NAALADL2: variants seen among roughly 807,000 people sequenced by gnomAD.
NAALADL2 encodes N-acetylated alpha-linked acidic dipeptidase like 2, also known as inactive N-acetylated-alpha-linked acidic dipeptidase-like protein 2.
NAALADL2 carries 76 observed loss-of-function variants against 87.2 expected under a neutral mutation model. That is an observed-to-expected ratio of 0.87 (90% CI 0.72 to 1.05). The LOEUF (loss-of-function observed/expected upper bound fraction) is 1.05. Among genes scored for constraint, NAALADL2 ranks in the 50% least tolerant of loss-of-function variants. The probability of loss-of-function intolerance (pLI) is 0.00; values close to 1 mark genes in which losing one functional copy is unlikely to be tolerated. For missense variants in NAALADL2, 1,089 were observed against 945.8 expected (o/e 1.15, Z -1.99); for synonymous variants, 354 against 331.0 (o/e 1.07, Z -0.75).
At chr3:174,791,125 T>G (rs1451417870) in intron 3 of NAALADL2, among the ~76,000 whole-genome samples, 7 of 152,170 alleles carry the variant, frequency 4.6e-5, no homozygotes, top group Non-Finnish European at 8.8e-5. Context: ...TATTACCTAA[T>G]GTAGACTTAT....
intron 1 of NAALADL2, among the ~76,000 whole-genome samples, chr3:175,017,216 C>T (rs570481570): frequency 4.0e-4 from 60 of 151,594 alleles, no homozygotes; most frequent in African/African-American, 1.4e-3. Context: ...AACTTAATAC[C>T]GTATATCTTA....
chr3:175,284,816 G>T (rs1275003622), intron 4 of NAALADL2, among the ~76,000 whole-genome samples: 1 of 152,094 alleles, frequency 6.6e-6, no homozygotes, highest in Non-Finnish European at 1.5e-5. Flanking sequence ...TCCTACATGT[G>T]GTCTCTGGTC....
chr3:175,301,072 G>T (rs1298296696), intron 4 of NAALADL2, among the ~76,000 whole-genome samples: 1 of 152,010 alleles, frequency 6.6e-6, no homozygotes, highest in African/African-American at 2.4e-5. Context: ...TTGCTTTTTT[G>T]AAGGGTTTTT....
At chr3:174,834,738 AAAAT>A (rs1723134910) in intron 3 of NAALADL2, among the ~76,000 whole-genome samples, 2 of 152,030 alleles carry the variant, frequency 1.3e-5, no homozygotes, top group Admixed American at 6.5e-5. Context: ...AATTTAAGAA[AAAAT>A]ATATGACTCA....
In NAALADL2 at chr3:175,256,451, T is replaced by C; in HGVS notation, c.860T>C (p.Leu287Ser). 1 of 1,611,254 alleles carries C rather than the reference T, an allele frequency of 6.2e-7. No individual in the cohort carries two copies. Among genetic ancestry groups the C allele is most frequent in the Non-Finnish European group, 8.5e-7 (1 of 1,178,684 alleles). The part of the protein sequence containing the change: ...IDVSYGMADD[L>S]KRIRKIKNVT... ...GTGAGTTATGGAATGGCAGATGATT[T>C]AAAAAGGATTAGGAAAATAAAAAAC... Residue 287 changes from leucine to serine, a missense_variant, in exon 4 of 14, where the codon TTA (leucine) becomes TCA (serine). By Grantham distance (145) the Leu-to-Ser change is moderately radical (BLOSUM62 -2). Transcript: ENST00000454872.
chr3:175,629,146 A>T (rs532903187), intron 11 of NAALADL2, among the ~76,000 whole-genome samples: 1 of 148,518 alleles, frequency 6.7e-6, no homozygotes, highest in African/African-American at 2.5e-5. Flanking sequence ...ATATATGGAC[A>T]TATATATCAT....
At chr3:175,612,458 C>T (rs1724776903) in intron 10 of NAALADL2, among the ~76,000 whole-genome samples, 1 of 152,184 alleles carries the variant, frequency 6.6e-6, no homozygotes, top group African/African-American at 2.4e-5. Flanking sequence ...AAGGTACTCT[C>T]TTCCTATTCT....
intron 11 of NAALADL2, among the ~76,000 whole-genome samples, chr3:175,636,070 A>G (rs1728488127): frequency 6.6e-6 from 1 of 152,168 alleles, no homozygotes; most frequent in Non-Finnish European, 1.5e-5. Flanking sequence ...CAACTATAAT[A>G]AAAGATTCCC....
At position 174,794,200 on chromosome 3, in the gene NAALADL2, T is replaced by C. The variant is rs191770018; in HGVS notation, c.-9+56454T>C. Among the ~76,000 whole-genome samples the C allele has an allele frequency of 5.9e-5, 9 of 152,222 alleles. No homozygotes were observed. In the East Asian group the frequency reaches 1.7e-3, roughly 29 times the overall value. Reference sequence around the variant, plus strand: ...AATATATTTAGTGTTTAATAACAGGTTCGATTCAGAATGATAGTCTTCTGC... The same window carrying C: ...AATATATTTAGTGTTTAATAACAGGCTCGATTCAGAATGATAGTCTTCTGC... On this transcript the variant is annotated intron_variant, in intron 3 of 3. Coordinates refer to the NAALADL2 transcript ENST00000434257.
intron 5 of NAALADL2, among the ~76,000 whole-genome samples, chr3:175,412,449 G>A (rs572419416): frequency 3.3e-5 from 5 of 152,248 alleles, no homozygotes; most frequent in Non-Finnish European, 7.4e-5. Flanking sequence ...TATTCGGATA[G>A]CTATTTGCTA....
At chr3:175,206,287 T>TG (rs1484604859) in intron 2 of NAALADL2, among the ~76,000 whole-genome samples, 1 of 127,786 alleles carries the variant, frequency 7.8e-6, no homozygotes, top group Admixed American at 8.0e-5. Context: ...TGTGTGTGTG[T>TG]ATGTATGTGT....
chr3:175,789,985 C>A (rs1401551375), intron 13 of NAALADL2, among the ~76,000 whole-genome samples: 1 of 151,980 alleles, frequency 6.6e-6, no homozygotes, highest in Non-Finnish European at 1.5e-5. Context: ...TCTAGAGCAT[C>A]TAGGAAAGGA....
intron 1 of NAALADL2, among the ~76,000 whole-genome samples, chr3:174,923,399 A>C (rs1390350959): frequency 6.6e-6 from 1 of 152,174 alleles, no homozygotes; most frequent in Non-Finnish European, 1.5e-5. Flanking sequence ...AATATTATTC[A>C]ATATGGAGAA....
At chr3:175,188,308 G>T (rs1215111716) in intron 2 of NAALADL2, among the ~76,000 whole-genome samples, 1 of 152,050 alleles carries the variant, frequency 6.6e-6, no homozygotes, top group Non-Finnish European at 1.5e-5. Flanking sequence ...TGCTCCTCCA[G>T]GGACCCAGAC....
At chr3:174,535,835 C>A (rs746733581) in intron 1 of NAALADL2, among the ~76,000 whole-genome samples, 1 of 151,986 alleles carries the variant, frequency 6.6e-6, no homozygotes, top group Non-Finnish European at 1.5e-5. Flanking sequence ...TTGCATTTTC[C>A]CTCTACATTA....
At chr3:175,764,531 A>G (rs1178808855) in intron 13 of NAALADL2, among the ~76,000 whole-genome samples, 1 of 109,110 alleles carries the variant, frequency 9.2e-6, no homozygotes, top group Non-Finnish European at 1.8e-5. Context: ...AAGCTAATCC[A>G]AGCCAAGACC....
At chr3:174,528,994 C>CT (rs1347496617) in intron 1 of NAALADL2, among the ~76,000 whole-genome samples, 1 of 152,134 alleles carries the variant, frequency 6.6e-6, no homozygotes, top group Non-Finnish European at 1.5e-5. Flanking sequence ...CAAAAGTAGT[C>CT]ATGCCTTCCC....
At chr3:174,650,332 A>C in intron 2 of NAALADL2, among the ~76,000 whole-genome samples, 1 of 152,146 alleles carries the variant, frequency 6.6e-6, no homozygotes, top group Non-Finnish European at 1.5e-5. Context: ...ATAAGTAGGC[A>C]AAACACCATA....
chr3:174,927,072 A>G (rs1309615134), intron 1 of NAALADL2, among the ~76,000 whole-genome samples: 5 of 152,122 alleles, frequency 3.3e-5, no homozygotes, highest in Admixed American at 6.5e-5. Flanking sequence ...GGTCTCTGAT[A>G]AAACAGACTT....
Sources: allele counts gnomAD v4.1 joint callset (sites outside exome capture counted in the v4.1 genomes callset), GRCh38; gene constraint gnomAD v4.1.1; transcripts MANE v1.5; gene names NCBI Gene and HGNC (gene_info 2026-07-23, HGNC 2026-07-21).